Variants in SUZ12 observed in about 807,000 individuals in gnomAD.
SUZ12 encodes the protein polycomb protein SUZ12.
SUZ12 carries 17 observed loss-of-function variants against 87.3 expected under a neutral mutation model. That is an observed-to-expected ratio of 0.19 (90% CI 0.13 to 0.29). The LOEUF is 0.29. Ranked by LOEUF, SUZ12 falls within the 10% of genes least tolerant of loss-of-function variation. The pLI is 1.00. For missense variants in SUZ12, 526 were observed against 912.2 expected (o/e 0.58, Z 5.45); for synonymous variants, 253 against 312.4 (o/e 0.81, Z 2.01).
At chr17:31,982,526 G>C (rs748842501) in intron 8 of SUZ12, among the ~76,000 whole-genome samples, 1 of 152,268 alleles carries the variant, frequency 6.6e-6, no homozygotes, top group Middle Eastern at 3.4e-3. Context: ...GGGCATAGTG[G>C]CACGCGCCTG....
At chr17:31,988,597 CT>C (rs57744180) in intron 10 of SUZ12, 100 bp downstream of exon 10, 96,405 of 917,198 alleles carry the variant, frequency 0.11, no homozygotes, top group East Asian at 0.17. Flanking sequence ...TGTGATTCTT[CT>C]TTTTTTTTTT....
chr17:31,938,764 A>C (rs1313024703), intron 1 of SUZ12, among the ~76,000 whole-genome samples: 1 of 152,204 alleles, frequency 6.6e-6, no homozygotes, highest in Non-Finnish European at 1.5e-5. Flanking sequence ...AACCAATTGA[A>C]GATTTAGGTG....
At chr17:31,943,658 A>G (rs1906438100) in intron 3 of SUZ12, among the ~76,000 whole-genome samples, 1 of 151,714 alleles carries the variant, frequency 6.6e-6, no homozygotes, top group African/African-American at 2.4e-5. Context: ...CCCTTGATTT[A>G]TTCTATAAAA....
In SUZ12 at chr17:31,999,018, A is replaced by C; in HGVS notation, c.*15A>C. On this transcript the variant is annotated 3_prime_UTR_variant, in exon 16 of 16. Transcript: ENST00000322652. ...AAAAACTCTGAAAAGCTCTAACCCC[A>C]TGTTATGGACAAACACTGAAATTAC... 6.6e-7 allele frequency: 1 copy of C among 1,509,914 alleles called. No individual in the cohort carries two copies. The highest frequency in any genetic ancestry group is 8.8e-7 in the Non-Finnish European group (1 of 1,133,502). The allele number at this position is 1,509,914 out of a possible 1,614,324, so 93.5% of individuals were successfully genotyped here.
chr17:31,956,248 G>A (rs1907327798), intron 4 of SUZ12, among the ~76,000 whole-genome samples: 1 of 152,000 alleles, frequency 6.6e-6, no homozygotes, highest in African/African-American at 2.4e-5. Context: ...GTCTCACTCT[G>A]TCGCCAGCAG....
At chr17:31,954,973 T>C (rs8077092) in intron 4 of SUZ12, among the ~76,000 whole-genome samples, 24,167 of 152,136 alleles carry the variant, frequency 0.16, 2,030 homozygotes, top group African/African-American at 0.23. Context: ...GAAAGTCGTT[T>C]GTTCGTTCTT....
At chr17:31,965,954 T>C (rs1908059138) in intron 4 of SUZ12, 193 bp from the exon 5 acceptor site, 1 of 427,700 alleles carries the variant, frequency 2.3e-6, no homozygotes, top group Non-Finnish European at 4.2e-6. Flanking sequence ...TATTTTTTGT[T>C]AGGTGTATAG....
In SUZ12 at chr17:31,937,487, G is replaced by C. The variant is rs1383604660; in HGVS notation, c.241G>C (p.Ala81Pro). The C allele has an allele frequency of 1.3e-6, 2 of 1,542,200 alleles. No individual in the cohort carries two copies. The highest frequency in any genetic ancestry group is 2.4e-5 in the South Asian group (2 of 83,874). Residue 81 changes from alanine to proline, a missense_variant, in exon 1 of 16, where the codon GCT becomes CCT. Coordinates refer to ENST00000322652, the MANE Select transcript of SUZ12 (RefSeq NM_015355.4). The stretch of plus-strand genomic sequence containing the variant: ...GAAGCCGAAAATGGAGCACGTCCAG[G>C]CTGACCACGAGCTTTTCCTCCAGGC... ...VKKPKMEHVQ[A>P]DHELFLQAFE... is the part of the protein sequence containing the mutation.
At chr17:31,960,550 G>GTCC in intron 4 of SUZ12, among the ~76,000 whole-genome samples, 1 of 151,834 alleles carries the variant, frequency 6.6e-6, no homozygotes, top group Non-Finnish European at 1.5e-5. Flanking sequence ...ATCATGCATA[G>GTCC]CAAGTCACAT....
intron 11 of SUZ12, 62 bp downstream of exon 11, chr17:31,993,395 C>G (rs1909821211): frequency 1.8e-6 from 2 of 1,103,752 alleles, no homozygotes; most frequent in Admixed American, 5.2e-5. Flanking sequence ...GTATGTCAAA[C>G]ATGAAAATTT....
chr17:31,992,780 T>C (rs1909787257), intron 10 of SUZ12, among the ~76,000 whole-genome samples: 1 of 150,020 alleles, frequency 6.7e-6, no homozygotes, highest in Non-Finnish European at 1.5e-5. Flanking sequence ...TGGTCTTGGC[T>C]CACTGCAACC....
chr17:31,966,303 G>A, intron 5 of SUZ12, 107 bp downstream of exon 5: 1 of 965,554 alleles, frequency 1.0e-6, no homozygotes. Flanking sequence ...AAGTTTAATG[G>A]AAAATATGTT....
intron 4 of SUZ12, among the ~76,000 whole-genome samples, chr17:31,953,167 A>G (rs1319168275): frequency 1.3e-5 from 2 of 152,076 alleles, no homozygotes; most frequent in Non-Finnish European, 1.5e-5. Context: ...ATATAGTGGC[A>G]TGATCTTGGC....
At chr17:31,957,777 C>G (rs534426673) in intron 4 of SUZ12, among the ~76,000 whole-genome samples, 6 of 151,680 alleles carry the variant, frequency 4.0e-5, no homozygotes, top group Non-Finnish European at 8.8e-5. Context: ...AATTCTTGAC[C>G]TCAAGTTATC....
chr17:31,994,121 T>C (rs1373086094), intron 12 of SUZ12, 113 bp downstream of exon 12: 11 of 986,380 alleles, frequency 1.1e-5, no homozygotes, highest in Middle Eastern at 2.8e-4. Context: ...GGAAAAAATA[T>C]GCATTAAGTA....
At chr17:31,938,317 C>CT (rs1472882530) in intron 1 of SUZ12, among the ~76,000 whole-genome samples, 1 of 152,130 alleles carries the variant, frequency 6.6e-6, no homozygotes, top group Non-Finnish European at 1.5e-5. Context: ...GATTGGTTCC[C>CT]TTTTTTGCTT....
At chr17:31,941,040 A>G (rs1269608710) in intron 3 of SUZ12, among the ~76,000 whole-genome samples, 1 of 151,724 alleles carries the variant, frequency 6.6e-6, no homozygotes, top group Non-Finnish European at 1.5e-5. Flanking sequence ...TGATTTTAGT[A>G]GTGAAGTGAA....
chr17:31,938,848 G>A (rs540507549), intron 1 of SUZ12, among the ~76,000 whole-genome samples: 25 of 152,294 alleles, frequency 1.6e-4, no homozygotes, highest in African/African-American at 6.0e-4. Flanking sequence ...GTTCTGATGA[G>A]TCGACCTCAG....
Position 31,975,567 on chromosome 17 carries a change from A to G in SUZ12, c.677A>G (p.Asn226Ser), listed in dbSNP as rs751047259. 1.9e-6 allele frequency: 3 copies of G among 1,613,944 alleles called. No homozygotes were observed. Among genetic ancestry groups the G allele is most frequent in the South Asian group, 1.1e-5 (1 of 91,076 alleles). ...GACCTCAATCAAACAAAACCCGGAA[A>G]TTTCCCGTCCCTTGCAGTTTCCAGT... ...NPDLNQTKPG[N>S]FPSLAVSSNE... The change falls in exon 7 of 16, where the codon AAT becomes AGT. Residue 226 changes from asparagine (N) to serine (S), a missense_variant. Asn to Ser is a conservative substitution (Grantham distance 46). Coordinates refer to ENST00000322652, the MANE Select transcript of SUZ12 (RefSeq NM_015355.4).
Sources: gnomAD v4.1 joint callset for allele counts (sites outside exome capture counted in the v4.1 genomes callset) on GRCh38, gnomAD v4.1.1 for gene constraint, MANE v1.5 for transcripts, NCBI Gene and HGNC (gene_info 2026-07-23, HGNC 2026-07-21) for gene names.